The following KCP variants were observed in gnomAD, a reference collection of about 807,000 sequenced individuals.
KCP encodes the protein kielin/chordin-like protein.
A neutral mutation model predicts 212.7 loss-of-function variants in KCP; 194 were observed. The observed-to-expected ratio is 0.91, with a 90% CI of 0.81 to 1.03. The LOEUF is 1.03. KCP is among the 50% of genes least tolerant of loss of function. The pLI, the probability that KCP is intolerant of heterozygous loss-of-function variation, is 0.00. For synonymous variants in KCP, 833 were observed against 865.3 expected (o/e 0.96, Z 0.65); for missense variants, 2,080 against 2,162.5 (o/e 0.96, Z 0.76).
intron 29 of KCP, among the ~76,000 whole-genome samples, chr7:128,883,181 C>G (rs545111736): frequency 5.3e-5 from 8 of 150,158 alleles, no homozygotes; most frequent in Admixed American, 4.0e-4. Context: ...CGCTCTGTTG[C>G]CAGGTTGCAG....
Position 128,893,493 on chromosome 7 carries a change from G to T in KCP, c.1100-17C>A. The T allele has an allele frequency of 6.6e-7, 1 of 1,521,324 alleles. No homozygotes were observed. Among genetic ancestry groups the T allele is most frequent in the South Asian group, 1.2e-5 (1 of 83,478 alleles). 94.2% of individuals were successfully genotyped at this position (1,521,324 alleles called of 1,614,324 possible). On this transcript the variant is annotated splice_polypyrimidine_tract_variant and intron_variant, in intron 11 of 39. Transcript: ENST00000610776. ...ACTCACAGCCTGGATGGGATGACAG[G>T]GGCGTGGGGGTATAGGGCTGGAGGC...
intron 16 of KCP, 134 bp from the exon 17 acceptor site, chr7:128,891,953 A>G (rs1162465737): frequency 4.8e-6 from 3 of 630,334 alleles, no homozygotes; most frequent in Non-Finnish European, 7.8e-6. Context: ...GGCCATGTGC[A>G]CATGTGTGCA....
intron 29 of KCP, 40 bp downstream of exon 29, chr7:128,883,962 T>C (rs1253586768): frequency 2.0e-6 from 3 of 1,533,180 alleles, no homozygotes. Context: ...GTGGCAGCCC[T>C]AACCTCATAT....
intron 5 of KCP, chr7:128,904,450 C>T: frequency 8.9e-7 from 1 of 1,125,728 alleles, no homozygotes; most frequent in Non-Finnish European, 1.3e-6. Context: ...CTCCTGCTCT[C>T]CCTCCTCGTC....
chr7:128,903,827 T>C lies in KCP; in HGVS notation c.655-7A>G, dbSNP rs1209828708. ...TGCAGCGAACTCGGCTCCTCTGTAA[T>C]GCACCAGTGGCTGTGAGGCTTCAGG... On this transcript the variant is annotated splice_polypyrimidine_tract_variant and splice_region_variant and intron_variant, in intron 6 of 39. Coordinates refer to ENST00000610776, the MANE Select transcript of KCP (RefSeq NM_001366122.1). The C allele has an allele frequency of 2.3e-6, 3 of 1,320,818 alleles. No homozygotes were observed. In the Admixed American group the frequency reaches 7.1e-5, roughly 31 times the overall value. 81.8% of individuals were successfully genotyped at this position (1,320,818 alleles called of 1,614,324 possible).
chr7:128,894,529 G>A (rs1258901365), intron 8 of KCP, among the ~76,000 whole-genome samples: 1 of 151,790 alleles, frequency 6.6e-6, no homozygotes, highest in African/African-American at 2.4e-5. Flanking sequence ...GGAGCAGGAT[G>A]GGTCCCTAAT....
rs1794980509 is a variant in KCP, at chr7:128,903,795, A to T, written c.680T>A (p.Leu227Gln). Residue 227 changes from leucine (L) to glutamine (Q), a missense_variant, in exon 7 of 40, where the codon CTG (leucine) becomes CAG (glutamine). Coordinates refer to ENST00000610776, the MANE Select transcript of KCP (RefSeq NM_001366122.1). ...CLRSRVRCMA[L>Q]KCPPSPCPEP... ...TGGGCAGGGGCTAGGCGGGCACTTC[A>T]GGGCCATGCAGCGAACTCGGCTCCT... 1 of 1,428,910 alleles carries T rather than the reference A, an allele frequency of 7.0e-7. No individual in the cohort carries two copies. The highest frequency in any genetic ancestry group is 9.3e-7 in the Non-Finnish European group (1 of 1,073,206). The allele number at this position is 1,428,910 out of a possible 1,614,324, so 88.5% of individuals were successfully genotyped here.
rs536824203 is a variant in KCP at position 128,884,148 on chromosome 7, G to A, written c.3124-26C>T. ...CTACAAGAATGAGTGAGCAGCGGTG[G>A]GTCCTGGGCCACAAAAACCCAGAGC... On this transcript the variant is annotated intron_variant, in intron 28 of 39. Transcript: ENST00000610776. 40 of 1,520,742 alleles carry A rather than the reference G, an allele frequency of 2.6e-5. 1 individual carries two copies. The African/African-American group carries it at 4.6e-4, about 18-fold the overall frequency. The allele number at this position is 1,520,742 out of a possible 1,614,324, so 94.2% of individuals were successfully genotyped here.
intron 22 of KCP, 50 bp downstream of exon 22, chr7:128,888,813 G>A: frequency 6.6e-7 from 1 of 1,512,768 alleles, no homozygotes; most frequent in East Asian, 2.5e-5. Context: ...GGTGAGAAAG[G>A]CACCCCGGGA....
chr7:128,892,355 A>AC (rs1414745996), intron 16 of KCP, among the ~76,000 whole-genome samples, 159 bp downstream of exon 16: 1 of 151,926 alleles, frequency 6.6e-6, no homozygotes, highest in African/African-American at 2.4e-5. Context: ...TCTCCCTCCC[A>AC]CCCACACCCC....
Position 128,877,609 on chromosome 7 carries a change from T to A in KCP, c.4493A>T (p.Tyr1498Phe), listed in dbSNP as rs1211932258. 2 of 1,551,614 alleles carry A rather than the reference T, an allele frequency of 1.3e-6. No homozygotes were observed. Among genetic ancestry groups the A allele is most frequent in the Non-Finnish European group, 1.7e-6 (2 of 1,146,982 alleles). The part of the protein sequence containing the change: ...PPEPFFAACV[Y>F]DLCACGPGSS... Reference sequence around the variant, plus strand: ...GCCAGGGCCACAGGCACACAGGTCATACACACAGGCGGCAAAGAAGGGCTC... The same window carrying A: ...GCCAGGGCCACAGGCACACAGGTCAAACACACAGGCGGCAAAGAAGGGCTC... Residue 1498 changes from tyrosine to phenylalanine, a missense_variant, in exon 39 of 40, where the codon TAT becomes TTT. Transcript: ENST00000610776.
rs748804994 is a variant in KCP at position 128,892,624 on chromosome 7, G to T, written c.1528-17C>A. On this transcript the variant is annotated splice_polypyrimidine_tract_variant and intron_variant, in intron 15 of 39. Coordinates refer to ENST00000610776, the MANE Select transcript of KCP (RefSeq NM_001366122.1). Reference sequence around the variant, plus strand: ...AGTTCCATCCTGCGAGAGAGCAGGGGAGAGAGCAATCGGGGCATGCCCAGG... The same window carrying T: ...AGTTCCATCCTGCGAGAGAGCAGGGTAGAGAGCAATCGGGGCATGCCCAGG... 22 of 1,550,724 alleles carry T rather than the reference G, an allele frequency of 1.4e-5. No homozygotes were observed. The highest frequency in any genetic ancestry group is 1.8e-5 in the Non-Finnish European group (21 of 1,146,200).
chr7:128,888,034 TACACACAC>T lies in KCP; in HGVS notation c.2513-742_2513-735del, dbSNP rs567635972. 9.8e-5 allele frequency among the ~76,000 whole-genome samples: 9 copies of T among 91,900 alleles called. No homozygotes were observed. The East Asian group carries it at 2.8e-3, about 28-fold the overall frequency. 60.3% of individuals were successfully genotyped at this position (91,900 alleles called of 152,430 possible). ...ACCCACACACAGCCACACACACACATACACACACACACACACACATCCCACATACACAG... is the reference window on the plus strand; with the variant it reads ...ACCCACACACAGCCACACACACACATACACACACACATCCCACATACACAG... On this transcript the variant is annotated intron_variant, in intron 22 of 39. Coordinates refer to ENST00000610776, the MANE Select transcript of KCP (RefSeq NM_001366122.1).
At chr7:128,880,788 G>A in intron 32 of KCP, 67 bp from the exon 33 acceptor site, 1 of 403,888 alleles carries the variant, frequency 2.5e-6, no homozygotes, top group Non-Finnish European at 4.4e-6. Context: ...ATGCTTCTGG[G>A]GGCCTCTGGG....
Position 128,890,503 on chromosome 7 carries a change from G to C in KCP, c.2175C>G (p.Tyr725Ter), listed in dbSNP as rs1331211312. 1.9e-6 allele frequency: 3 copies of C among 1,548,428 alleles called. No homozygotes were observed. The highest frequency in any genetic ancestry group is 3.9e-5 in the Admixed American group (2 of 50,964). The change falls in exon 21 of 40, where the codon TAC becomes TAG. Residue 725 changes from tyrosine (Y) to a stop codon, truncating the protein, a stop_gained. Transcript: ENST00000610776. LOFTEE classifies it high-confidence loss of function. ...CCCCGCTGGCAAACTCCTTCCCCTG[G>C]TACAGGCAGCCTGGGGAGAAGGGCA... is the stretch of plus-strand genomic sequence containing the variant. ...PCCPSCDGCL[Y>*]QGKEFASGER...
chr7:128,908,135 A>T (rs1585261772), intron 2 of KCP, among the ~76,000 whole-genome samples: 2 of 138,852 alleles, frequency 1.4e-5, no homozygotes, highest in Middle Eastern at 3.5e-3. Flanking sequence ...TCTCAAAAAA[A>T]AAAAAAAGAA....
chr7:128,885,301 G>A (rs568174323), intron 26 of KCP, 31 bp from the exon 27 acceptor site: 48 of 1,518,366 alleles, frequency 3.2e-5, no homozygotes, highest in African/African-American at 1.4e-4. Context: ...GGACGAGCTC[G>A]GAGGTTGAGA....
In KCP at chr7:128,881,733, T is replaced by G. The variant is rs980703889; in HGVS notation, c.3325-8A>C. The stretch of plus-strand genomic sequence containing the variant: ...GCAGAGCCATGTCAGGTCCTGCCCA[T>G]GTGAACACAAGAGGTAGAGAATGGC... On this transcript the variant is annotated splice_region_variant and splice_polypyrimidine_tract_variant and intron_variant, in intron 30 of 39. Coordinates refer to ENST00000610776, the MANE Select transcript of KCP (RefSeq NM_001366122.1). 3 of 1,536,156 alleles carry G rather than the reference T, an allele frequency of 2.0e-6. No individual in the cohort carries two copies. The highest frequency in any genetic ancestry group is 2.6e-6 in the Non-Finnish European group (3 of 1,141,344).
intron 29 of KCP, among the ~76,000 whole-genome samples, chr7:128,883,653 C>T (rs1793464178): frequency 6.6e-6 from 1 of 152,160 alleles, no homozygotes; most frequent in Non-Finnish European, 1.5e-5. Flanking sequence ...TCCCCCCAAT[C>T]TTAATAAATT....
Sources: gnomAD v4.1 joint callset for allele counts (sites outside exome capture counted in the v4.1 genomes callset) on GRCh38, gnomAD v4.1.1 for gene constraint, MANE v1.5 for transcripts, NCBI Gene and HGNC (gene_info 2026-07-23, HGNC 2026-07-21) for gene names.